The following CATSPERT variants were observed in gnomAD, a reference collection of about 807,000 sequenced individuals.
CATSPERT encodes the protein catsper channel auxiliary subunit tau.
the CATSPERT span, chr2:201,601,804 G>A: frequency 1.9e-6 from 3 of 1,611,912 alleles, no homozygotes; most frequent in Non-Finnish European, 1.7e-6. Flanking sequence ...TTTTTGGATA[G>A]CAAGCTACAC....
chr2:201,594,766 C>T, the CATSPERT span, among the ~76,000 whole-genome samples: 36 of 152,236 alleles, frequency 2.4e-4, no homozygotes, highest in African/African-American at 6.7e-4. Context: ...TCTAGTTGAT[C>T]GCATCGGCTC....
chr2:201,536,773 TA>T, the CATSPERT span, among the ~76,000 whole-genome samples: 1 of 151,970 alleles, frequency 6.6e-6, no homozygotes, highest in Non-Finnish European at 1.5e-5. Context: ...GATAGCCTGT[TA>T]AACTAAATAA....
At chr2:201,522,490 A>G in the CATSPERT span, among the ~76,000 whole-genome samples, 3 of 152,066 alleles carry the variant, frequency 2.0e-5, no homozygotes, top group Non-Finnish European at 2.9e-5. Context: ...CTCTGGTTGA[A>G]GTGGGAGGAA....
the CATSPERT span, among the ~76,000 whole-genome samples, chr2:201,580,105 T>A: frequency 6.6e-6 from 1 of 152,278 alleles, no homozygotes; most frequent in Admixed American, 6.5e-5. Context: ...CTTAGTCTCC[T>A]AAAGTGCTAG....
At chr2:201,574,217 A>G in the CATSPERT span, 5 of 1,603,250 alleles carry the variant, frequency 3.1e-6, no homozygotes, top group South Asian at 4.5e-5. Context: ...ACCTGATGTG[A>G]AAATCCATAA....
the CATSPERT span, among the ~76,000 whole-genome samples, chr2:201,516,930 C>CTTTTTTTT: frequency 1.5e-5 from 2 of 135,520 alleles, no homozygotes. Flanking sequence ...AATAGGAAGG[C>CTTTTTTTT]TTTTTTTTTT....
the CATSPERT span, among the ~76,000 whole-genome samples, chr2:201,616,149 T>G: frequency 2.0e-5 from 3 of 152,200 alleles, no homozygotes; most frequent in African/African-American, 7.2e-5. Flanking sequence ...GTGGTACCAT[T>G]CCTTCTGAAA....
chr2:201,572,468 G>A, the CATSPERT span, among the ~76,000 whole-genome samples: 10 of 152,084 alleles, frequency 6.6e-5, no homozygotes, highest in Non-Finnish European at 1.2e-4. Context: ...TTTTTATTTT[G>A]AACTTTTATT....
At chr2:201,583,995 T>C in the CATSPERT span, among the ~76,000 whole-genome samples, 31 of 152,282 alleles carry the variant, frequency 2.0e-4, no homozygotes, top group South Asian at 6.2e-4. Context: ...ACCACAAATC[T>C]GATGCAGCTT....
chr2:201,491,711 G>T, the CATSPERT span: 5 of 1,536,820 alleles, frequency 3.3e-6, no homozygotes, highest in Admixed American at 9.8e-5. Context: ...ACTGCTTCAG[G>T]TTTTTCCTGA....
chr2:201,590,692 A>G, the CATSPERT span, among the ~76,000 whole-genome samples: 1 of 152,076 alleles, frequency 6.6e-6, no homozygotes. Flanking sequence ...CTGGTGTGAG[A>G]TGGTATCTCA....
the CATSPERT span, among the ~76,000 whole-genome samples, chr2:201,559,849 T>C: frequency 6.6e-6 from 1 of 152,010 alleles, no homozygotes; most frequent in Non-Finnish European, 1.5e-5. Context: ...TGCATAGAAA[T>C]CAATGTAGGG....
the CATSPERT span, among the ~76,000 whole-genome samples, chr2:201,607,077 G>A: frequency 6.6e-6 from 1 of 151,956 alleles, no homozygotes. Context: ...ATAAAATGAT[G>A]AGAATAAGCC....
At chr2:201,614,957 CAAAG>C in the CATSPERT span, among the ~76,000 whole-genome samples, 1 of 152,068 alleles carries the variant, frequency 6.6e-6, no homozygotes, top group Non-Finnish European at 1.5e-5. Context: ...TCAAAAGAGA[CAAAG>C]AAGGACATTA....
the CATSPERT span, among the ~76,000 whole-genome samples, chr2:201,573,520 C>T: frequency 6.6e-6 from 1 of 152,208 alleles, no homozygotes; most frequent in African/African-American, 2.4e-5. Context: ...GCTAGGATTA[C>T]AGGTGTGAGC....
chr2:201,566,903 C>T, the CATSPERT span, among the ~76,000 whole-genome samples: 1 of 152,138 alleles, frequency 6.6e-6, no homozygotes, highest in African/African-American at 2.4e-5. Flanking sequence ...ATTCACTTTT[C>T]ACAGCAAGCC....
the CATSPERT span, among the ~76,000 whole-genome samples, chr2:201,565,086 A>G: frequency 6.8e-6 from 1 of 146,456 alleles, no homozygotes; most frequent in South Asian, 2.3e-4. Context: ...CATAGCAAAA[A>G]AAAGGACAAG....
chr2:201,563,138 CG>C, the CATSPERT span, among the ~76,000 whole-genome samples: 481 of 52,778 alleles, frequency 9.1e-3, 3 homozygotes, highest in East Asian at 0.022. Flanking sequence ...GCTGGCCGGG[CG>C]GGGGGCTGAC....
chr2:201,563,037 T>C, the CATSPERT span, among the ~76,000 whole-genome samples: 1 of 150,532 alleles, frequency 6.6e-6, no homozygotes, highest in African/African-American at 2.5e-5. Context: ...TGGGCACACC[T>C]CCCAGACGGG....
Sources: gnomAD v4.1 joint callset for allele counts (sites outside exome capture counted in the v4.1 genomes callset) on GRCh38, gnomAD v4.1.1 for gene constraint, MANE v1.5 for transcripts, NCBI Gene and HGNC (gene_info 2026-07-23, HGNC 2026-07-21) for gene names.